CCDC171: variants seen among roughly 807,000 people sequenced by gnomAD.
CCDC171 encodes coiled-coil domain containing 171, also known as coiled-coil domain-containing protein 171.
A neutral mutation model predicts 168.2 loss-of-function variants in CCDC171; 177 were observed. The ratio of observed to expected loss-of-function variants is 1.05; its 90% confidence interval spans 0.93 to 1.19. The LOEUF is 1.19. CCDC171 is among the 50% of genes most tolerant of loss of function. The probability of loss-of-function intolerance (pLI) is 0.00; values close to 1 mark genes in which losing one functional copy is unlikely to be tolerated. For missense variants in CCDC171, 1,991 were observed against 1,539.0 expected (o/e 1.29, Z -4.91); for synonymous variants, 687 against 540.8 (o/e 1.27, Z -3.75).
At chr9:15,592,265 G>A (rs1393875614) in intron 5 of CCDC171, among the ~76,000 whole-genome samples, 1 of 151,498 alleles carries the variant, frequency 6.6e-6, no homozygotes, top group Non-Finnish European at 1.5e-5. Flanking sequence ...GGAGTTTGAG[G>A]CCACAGTATA....
At position 15,560,707 on chromosome 9, in the gene CCDC171, C is replaced by G. The variant is rs138997040; in HGVS notation, c.-111-3271C>G. On this transcript the variant is annotated intron_variant, in intron 1 of 25. Transcript: ENST00000380701. ...TTAGCTCGGAGAAGTTTATTATTACCCATCGTCTGAAGCCTTCTTCTCTTA... is the reference window on the plus strand; with the variant it reads ...TTAGCTCGGAGAAGTTTATTATTACGCATCGTCTGAAGCCTTCTTCTCTTA... 4.1e-4 allele frequency among the ~76,000 whole-genome samples: 62 copies of G among 152,148 alleles called. No homozygotes were observed. The East Asian group carries it at 0.01, about 26-fold the overall frequency.
chr9:15,666,099 C>G, intron 8 of CCDC171, 64 bp from the exon 9 acceptor site: 10 of 1,408,208 alleles, frequency 7.1e-6, no homozygotes, highest in Non-Finnish European at 9.9e-6. Context: ...AAGTATTCTA[C>G]TCAATTTAAG....
chr9:15,600,140 G>A (rs62573069), intron 6 of CCDC171, among the ~76,000 whole-genome samples: 5,014 of 152,220 alleles, frequency 0.033, 109 homozygotes, highest in South Asian at 0.066. Flanking sequence ...CTCTCAACTC[G>A]TCAGTCATTC....
chr9:15,651,360 C>T (rs529862815), intron 7 of CCDC171, among the ~76,000 whole-genome samples: 7 of 151,992 alleles, frequency 4.6e-5, no homozygotes, highest in Admixed American at 2.6e-4. Context: ...CTGCCTGCCT[C>T]GGCCTCCCAA....
At chr9:16,052,378 C>T (rs905525931) in intron 1 of CCDC171, among the ~76,000 whole-genome samples, 18 of 152,146 alleles carry the variant, frequency 1.2e-4, no homozygotes, top group African/African-American at 4.3e-4. Context: ...GTGGCTCATC[C>T]GGGCTGTTTT....
chr9:15,809,801 A>G lies in CCDC171; in HGVS notation c.3267+25107A>G, dbSNP rs968424037. ...AAGAACAAAGCTTCCACAATGTGGAAGAGGACCCGAACGGGTTGCCACTGC... is the reference window on the plus strand; with the variant it reads ...AAGAACAAAGCTTCCACAATGTGGAGGAGGACCCGAACGGGTTGCCACTGC... On this transcript the variant is annotated intron_variant, in intron 21 of 25. Transcript: ENST00000380701. 7.7e-4 allele frequency among the ~76,000 whole-genome samples: 117 copies of G among 152,336 alleles called. 1 individual carries two copies. Among genetic ancestry groups the G allele is most frequent in the African/African-American group, 2.6e-3 (108 of 41,580 alleles).
At chr9:15,603,941 C>T (rs2043044741) in intron 6 of CCDC171, among the ~76,000 whole-genome samples, 1 of 152,130 alleles carries the variant, frequency 6.6e-6, no homozygotes, top group South Asian at 2.1e-4. Flanking sequence ...TAATAATTGC[C>T]ATTCTGACTG....
rs979985683 is a variant in CCDC171, at chr9:15,716,368, G to C, written c.1319-5401G>C. ...TTTCTTTGATAGGATAGCTTTTATA[G>C]TTCATTGTTTTTCGGGCCATACTGC... On this transcript the variant is annotated intron_variant, in intron 11 of 25. Transcript: ENST00000380701. Among the ~76,000 whole-genome samples, 32 of 151,970 alleles carry C rather than the reference G, an allele frequency of 2.1e-4. 1 individual carries two copies. The highest frequency in any genetic ancestry group is 7.5e-4 in the African/African-American group (31 of 41,452).
intron 4 of CCDC171, among the ~76,000 whole-genome samples, chr9:15,587,921 A>G (rs1248057362): frequency 6.6e-6 from 1 of 152,218 alleles, no homozygotes; most frequent in African/African-American, 2.4e-5. Flanking sequence ...CAGGTGTTAT[A>G]AAAGATGAAA....
chr9:15,552,923 G>A (rs1183823696), upstream of CCDC171, among the ~76,000 whole-genome samples: 3 of 152,172 alleles, frequency 2.0e-5, no homozygotes, highest in Admixed American at 2.0e-4. Context: ...GCGCTGCTTG[G>A]CGGGCGGGCT....
intron 3 of CCDC171, among the ~76,000 whole-genome samples, chr9:15,992,375 C>T (rs960368058): frequency 1.3e-5 from 2 of 152,064 alleles, no homozygotes; most frequent in East Asian, 1.9e-4. Flanking sequence ...GACAAAAGGC[C>T]TTTGACAAAA....
chr9:15,601,760 A>T (rs530116337), intron 6 of CCDC171, among the ~76,000 whole-genome samples: 20 of 152,348 alleles, frequency 1.3e-4, no homozygotes, highest in African/African-American at 4.8e-4. Flanking sequence ...TAAGTTGTTG[A>T]TAAGTGTCTT....
intron 25 of CCDC171, among the ~76,000 whole-genome samples, chr9:15,948,639 T>C (rs1828715179): frequency 6.6e-6 from 1 of 152,166 alleles, no homozygotes; most frequent in African/African-American, 2.4e-5. Flanking sequence ...GAGTAGTGTC[T>C]GTTCATGTCC....
chr9:16,084,232 C>A, the CCDC171 span, among the ~76,000 whole-genome samples: 9 of 152,134 alleles, frequency 5.9e-5, 1 homozygote, highest in South Asian at 1.5e-3. Flanking sequence ...CTGAGGAGTA[C>A]CCCCTTGGTG....
At chr9:15,708,398 G>T (rs1407242300) in intron 11 of CCDC171, among the ~76,000 whole-genome samples, 1 of 152,130 alleles carries the variant, frequency 6.6e-6, no homozygotes, top group Non-Finnish European at 1.5e-5. Context: ...GCTTCCCTTT[G>T]ACTTATCCTA....
chr9:15,651,223 C>G (rs998040157), intron 7 of CCDC171, among the ~76,000 whole-genome samples: 2 of 151,996 alleles, frequency 1.3e-5, no homozygotes, highest in Admixed American at 6.6e-5. Flanking sequence ...ATTCTCCTGC[C>G]TCAGCCTCCT....
At chr9:15,669,007 G>T (rs2048922835) in intron 9 of CCDC171, among the ~76,000 whole-genome samples, 1 of 152,066 alleles carries the variant, frequency 6.6e-6, no homozygotes, top group South Asian at 2.1e-4. Context: ...TGTTTTACCT[G>T]TTGTGAACTG....
At chr9:15,739,210 G>A (rs2054687563) in intron 16 of CCDC171, among the ~76,000 whole-genome samples, 1 of 152,234 alleles carries the variant, frequency 6.6e-6, no homozygotes, top group African/African-American at 2.4e-5. Context: ...GGGCTCTGAA[G>A]ATTGTTAGTA....
At chr9:15,579,139 T>A in intron 4 of CCDC171, 116 bp downstream of exon 4, 2 of 747,718 alleles carry the variant, frequency 2.7e-6, no homozygotes, top group East Asian at 3.0e-5. Context: ...ATTCGTTGAC[T>A]GACTTTTGAT....
Sources: gnomAD v4.1 joint callset for allele counts (sites outside exome capture counted in the v4.1 genomes callset) on GRCh38, gnomAD v4.1.1 for gene constraint, MANE v1.5 for transcripts, NCBI Gene and HGNC (gene_info 2026-07-23, HGNC 2026-07-21) for gene names.